CALN1: variants seen among roughly 807,000 people sequenced by gnomAD.
The protein encoded by CALN1 is calcium-binding protein 8.
Under a neutral mutation model 30.6 loss-of-function variants are expected in CALN1, and 17 were observed. The observed-to-expected ratio is 0.56, with a 90% CI of 0.38 to 0.83. CALN1 has a LOEUF of 0.83. CALN1 is among the 40% of genes least tolerant of loss of function. The pLI, the probability that CALN1 is intolerant of heterozygous loss-of-function variation, is 0.00. For missense variants in CALN1, 291 were observed against 354.9 expected (o/e 0.82, Z 1.45); for synonymous variants, 156 against 131.4 (o/e 1.19, Z -1.28).
chr7:72,155,727 T>G (rs917388816), intron 3 of CALN1, among the ~76,000 whole-genome samples: 1 of 152,168 alleles, frequency 6.6e-6, no homozygotes, highest in Non-Finnish European at 1.5e-5. Context: ...CCTAACTCTA[T>G]GGCTTAAAAC....
chr7:71,947,745 A>T (rs151300756), intron 5 of CALN1, among the ~76,000 whole-genome samples: 15,189 of 151,984 alleles, frequency 0.1, 1,044 homozygotes, highest in East Asian at 0.21. Flanking sequence ...GTTCGAGACC[A>T]GCCTGGCCAA....
intron 3 of CALN1, among the ~76,000 whole-genome samples, chr7:72,147,339 A>C (rs1301896257): frequency 6.6e-6 from 1 of 152,152 alleles, no homozygotes; most frequent in Non-Finnish European, 1.5e-5. Flanking sequence ...GAAGACATTT[A>C]TGCAGCCAAC....
chr7:72,121,074 T>C (rs1808340442), intron 3 of CALN1, among the ~76,000 whole-genome samples: 3 of 146,980 alleles, frequency 2.0e-5, no homozygotes, highest in East Asian at 3.9e-4. Context: ...TATATATCTA[T>C]ATTATAACTT....
chr7:72,271,231 G>A (rs1241543241), intron 3 of CALN1, among the ~76,000 whole-genome samples: 1 of 152,058 alleles, frequency 6.6e-6, no homozygotes, highest in Non-Finnish European at 1.5e-5. Context: ...AATCCAAGAG[G>A]GAGGCAGGAC....
chr7:71,957,753 C>T (rs1797033761), intron 5 of CALN1, among the ~76,000 whole-genome samples: 1 of 151,984 alleles, frequency 6.6e-6, no homozygotes, highest in African/African-American at 2.4e-5. Context: ...TGCTGTGGCT[C>T]ACACCTCGCA....
At chr7:71,888,674 G>A (rs1452552141) in intron 5 of CALN1, among the ~76,000 whole-genome samples, 2 of 152,086 alleles carry the variant, frequency 1.3e-5, no homozygotes, top group Non-Finnish European at 2.9e-5. Context: ...GGTGAGAAGG[G>A]AGTTAGTCGT....
At chr7:72,091,125 T>C (rs1221094360) in intron 4 of CALN1, among the ~76,000 whole-genome samples, 2 of 152,120 alleles carry the variant, frequency 1.3e-5, no homozygotes, top group Admixed American at 1.3e-4. Context: ...GGTTTGGAAT[T>C]TGAGGCCAGA....
chr7:71,794,826 T>A, intron 6 of CALN1, among the ~76,000 whole-genome samples: 1 of 142,536 alleles, frequency 7.0e-6, no homozygotes, highest in South Asian at 2.2e-4. Context: ...TAGACTCACC[T>A]TTCCCTTCCT....
intron 5 of CALN1, among the ~76,000 whole-genome samples, chr7:71,932,985 G>A (rs1393669698): frequency 6.6e-6 from 1 of 152,100 alleles, no homozygotes; most frequent in East Asian, 1.9e-4. Flanking sequence ...CAGATAGTGA[G>A]GGTACAGGAG....
At chr7:72,155,288 C>T (rs1298350815) in intron 3 of CALN1, among the ~76,000 whole-genome samples, 1 of 151,892 alleles carries the variant, frequency 6.6e-6, no homozygotes, top group African/African-American at 2.4e-5. Context: ...GTCAGGAGAT[C>T]GAGACCTTCC....
chr7:72,189,016 G>C (rs12538529), intron 3 of CALN1, among the ~76,000 whole-genome samples: 29,245 of 152,206 alleles, frequency 0.19, 3,043 homozygotes, highest in East Asian at 0.28. Flanking sequence ...CTCCTCCAGT[G>C]AGGAAAAAGA....
intron 6 of CALN1, among the ~76,000 whole-genome samples, chr7:71,809,008 G>C (rs1467674945): frequency 6.6e-6 from 1 of 152,116 alleles, no homozygotes; most frequent in African/African-American, 2.4e-5. Flanking sequence ...TCCAAATACA[G>C]TCATTGATGC....
chr7:71,946,083 T>C (rs1242580967), intron 5 of CALN1, among the ~76,000 whole-genome samples: 1 of 152,184 alleles, frequency 6.6e-6, no homozygotes, highest in African/African-American at 2.4e-5. Context: ...ATGCAGACTT[T>C]GTGGATTAGC....
intron 2 of CALN1, among the ~76,000 whole-genome samples, chr7:72,368,643 A>T (rs1259226139): frequency 6.6e-6 from 1 of 152,108 alleles, no homozygotes; most frequent in Non-Finnish European, 1.5e-5. Flanking sequence ...GATCATACGG[A>T]GGTCATCTGA....
At chr7:72,420,376 C>A (rs1402614114) in intron 1 of CALN1, among the ~76,000 whole-genome samples, 1 of 152,040 alleles carries the variant, frequency 6.6e-6, no homozygotes, top group African/African-American at 2.4e-5. Flanking sequence ...CAACCCCAAA[C>A]AGGGGCAGAT....
intron 1 of CALN1, among the ~76,000 whole-genome samples, chr7:72,406,803 G>A (rs928355628): frequency 2.6e-5 from 4 of 151,868 alleles, no homozygotes; most frequent in Non-Finnish European, 4.4e-5. Context: ...TTTTAGTAGA[G>A]ACGGGTTTCA....
chr7:72,125,997 C>T (rs911071207), intron 3 of CALN1, among the ~76,000 whole-genome samples: 2 of 151,930 alleles, frequency 1.3e-5, no homozygotes, highest in Admixed American at 1.3e-4. Context: ...GATGAGGTTT[C>T]ACCATGTTGA....
At chr7:72,053,568 T>C (rs1353092708) in intron 4 of CALN1, among the ~76,000 whole-genome samples, 2 of 152,174 alleles carry the variant, frequency 1.3e-5, no homozygotes, top group African/African-American at 4.8e-5. Context: ...CTTACCAGCA[T>C]GTGTCATTTT....
chr7:72,278,614 T>G, intron 3 of CALN1, 72 bp downstream of exon 3: 2 of 1,579,156 alleles, frequency 1.3e-6, no homozygotes, highest in Non-Finnish European at 1.7e-6. Context: ...GGGCTTTCAA[T>G]TGAGCTTCAC....
Sources: allele counts gnomAD v4.1 joint callset (sites outside exome capture counted in the v4.1 genomes callset), GRCh38; gene constraint gnomAD v4.1.1; transcripts MANE v1.5; gene names NCBI Gene and HGNC (gene_info 2026-07-23, HGNC 2026-07-21).